SGCZ: variants seen among roughly 807,000 people sequenced by gnomAD.
The protein encoded by SGCZ is sarcoglycan zeta, also known as zeta-sarcoglycan.
Under a neutral mutation model 41.3 loss-of-function variants are expected in SGCZ, and 40 were observed. That is an observed-to-expected ratio of 0.97 (90% CI 0.75 to 1.26). The LOEUF (loss-of-function observed/expected upper bound fraction) is 1.26. Ranked by LOEUF, SGCZ falls within the 50% of genes most tolerant of loss-of-function variation. The pLI is 0.00. For synonymous variants in SGCZ, 206 were observed against 137.5 expected, an observed-to-expected ratio of 1.50 and a Z score of -3.49; for missense variants, 552 against 369.8, an observed-to-expected ratio of 1.49 and a Z score of -4.04.
At chr8:14,639,888 A>G (rs1806966312) in intron 1 of SGCZ, among the ~76,000 whole-genome samples, 2 of 151,578 alleles carry the variant, frequency 1.3e-5, no homozygotes, top group Admixed American at 6.6e-5. Context: ...ATATCTCCCT[A>G]CCTCCTGCAA....
At chr8:14,794,116 A>G (rs757992655) in intron 1 of SGCZ, among the ~76,000 whole-genome samples, 1 of 152,174 alleles carries the variant, frequency 6.6e-6, no homozygotes, top group East Asian at 1.9e-4. Flanking sequence ...TCAAAAATCA[A>G]TATATTCAAC....
chr8:14,467,307 T>C (rs1019666695), intron 2 of SGCZ, among the ~76,000 whole-genome samples: 1 of 151,994 alleles, frequency 6.6e-6, no homozygotes, highest in Non-Finnish European at 1.5e-5. Flanking sequence ...TTTAATTCCG[T>C]GAAAGTCACT....
At chr8:14,584,670 A>T (rs1425329220) in intron 1 of SGCZ, among the ~76,000 whole-genome samples, 1 of 152,074 alleles carries the variant, frequency 6.6e-6, no homozygotes, top group Non-Finnish European at 1.5e-5. Context: ...CGCTAAATTT[A>T]ATTTTTTTAT....
In SGCZ at chr8:14,554,868, T is replaced by C. The variant is rs1422706137; in HGVS notation, c.98A>G (p.Asn33Ser). The C allele has an allele frequency of 3.1e-6, 5 of 1,613,142 alleles. No individual in the cohort carries two copies. Among genetic ancestry groups the C allele is most frequent in the East Asian group, 2.2e-5 (1 of 44,826 alleles). Residue 33 changes from asparagine to serine, a missense_variant, in exon 2 of 8, where the codon AAT becomes AGT. Physicochemically the swap from Asn to Ser is conservative, Grantham distance 46 (BLOSUM62 1). Transcript: ENST00000382080. ...AATTCCCACTGGGTAAAGTTGTGCATTCTCAGTCCTTGGCAGGTTATTCTG... is the reference window on the plus strand; with the variant it reads ...AATTCCCACTGGGTAAAGTTGTGCACTCTCAGTCCTTGGCAGGTTATTCTG... Reference protein sequence around the residue: ...TQQNNLPRTENAQLYPVGIYG... With the variant: ...TQQNNLPRTESAQLYPVGIYG...
At chr8:14,863,130 A>G (rs527834867) in intron 1 of SGCZ, among the ~76,000 whole-genome samples, 1 of 152,248 alleles carries the variant, frequency 6.6e-6, no homozygotes, top group African/African-American at 2.4e-5. Context: ...TAGGTCACAC[A>G]GCCAGGAATG....
chr8:14,712,495 T>C (rs2117628441), intron 1 of SGCZ, among the ~76,000 whole-genome samples: 1 of 152,236 alleles, frequency 6.6e-6, no homozygotes, highest in South Asian at 2.1e-4. Flanking sequence ...AGTAGGGCAG[T>C]TATGTAGTGA....
intron 1 of SGCZ, among the ~76,000 whole-genome samples, chr8:15,038,516 A>C (rs1803949513): frequency 1.3e-5 from 2 of 151,764 alleles, no homozygotes; most frequent in African/African-American, 4.8e-5. Context: ...GAAAAAAAAA[A>C]CAAGGGAAAA....
intron 1 of SGCZ, among the ~76,000 whole-genome samples, chr8:15,213,022 T>A (rs940598150): frequency 6.6e-6 from 1 of 151,946 alleles, no homozygotes; most frequent in Non-Finnish European, 1.5e-5. Context: ...GTGATAAAAT[T>A]AACAATTTAA....
At chr8:14,713,166 G>A (rs1297758771) in intron 1 of SGCZ, among the ~76,000 whole-genome samples, 4 of 152,140 alleles carry the variant, frequency 2.6e-5, no homozygotes, top group Non-Finnish European at 5.9e-5. Flanking sequence ...AGGTTTAATT[G>A]CAAAAGTTGT....
chr8:14,256,885 G>T (rs1563216744), intron 3 of SGCZ, among the ~76,000 whole-genome samples: 2 of 152,058 alleles, frequency 1.3e-5, no homozygotes, highest in African/African-American at 2.4e-5. Context: ...TTGTTTAAAT[G>T]ATATATTCCT....
At chr8:14,771,365 G>C (rs1376057692) in intron 1 of SGCZ, among the ~76,000 whole-genome samples, 1 of 152,100 alleles carries the variant, frequency 6.6e-6, no homozygotes, top group African/African-American at 2.4e-5. Flanking sequence ...TGAAAATTAA[G>C]CTTGGCACAT....
At chr8:15,100,969 A>G (rs1283201101) in intron 1 of SGCZ, among the ~76,000 whole-genome samples, 2 of 151,684 alleles carry the variant, frequency 1.3e-5, no homozygotes, top group African/African-American at 4.9e-5. Context: ...GAGTGAGACC[A>G]TGTCTCAAAA....
intron 1 of SGCZ, among the ~76,000 whole-genome samples, chr8:14,749,464 T>C (rs1185324319): frequency 6.6e-6 from 1 of 152,192 alleles, no homozygotes; most frequent in South Asian, 2.1e-4. Flanking sequence ...AACTACATCA[T>C]GTAATATAAT....
At chr8:15,119,978 T>C (rs572505811) in intron 1 of SGCZ, among the ~76,000 whole-genome samples, 1 of 146,180 alleles carries the variant, frequency 6.8e-6, no homozygotes, top group African/African-American at 2.5e-5. Context: ...CTCGGTTTTT[T>C]GGTGTTGCTT....
At chr8:14,540,164 C>G (rs1803416090) in intron 2 of SGCZ, among the ~76,000 whole-genome samples, 1 of 146,346 alleles carries the variant, frequency 6.8e-6, no homozygotes, top group Non-Finnish European at 1.5e-5. Context: ...GCTTTTCGTT[C>G]AAAGATTGGT....
In SGCZ at chr8:14,573,457, G is replaced by A. The variant is rs527291579; in HGVS notation, c.40-18531C>T. Among the ~76,000 whole-genome samples, 388 of 151,924 alleles carry A rather than the reference G, an allele frequency of 2.6e-3. 1 individual carries two copies. Among genetic ancestry groups the A allele is most frequent in the African/African-American group, 8.2e-3 (338 of 41,464 alleles). On this transcript the variant is annotated intron_variant, in intron 1 of 7. Transcript: ENST00000382080. ...CCCGCCTCGGCCTCCCAAAGTGCTG[G>A]GATTACAGGCATGAGCCACTGCGCC...
At chr8:15,176,011 T>C (rs1799990548) in intron 1 of SGCZ, among the ~76,000 whole-genome samples, 1 of 152,200 alleles carries the variant, frequency 6.6e-6, no homozygotes, top group African/African-American at 2.4e-5. Flanking sequence ...ACTTACTGTA[T>C]TATACTACTT....
At chr8:15,030,580 T>G (rs1380041409) in intron 1 of SGCZ, among the ~76,000 whole-genome samples, 1 of 152,146 alleles carries the variant, frequency 6.6e-6, no homozygotes, top group Non-Finnish European at 1.5e-5. Flanking sequence ...ATGTTCTATG[T>G]GATCTGACTT....
intron 1 of SGCZ, among the ~76,000 whole-genome samples, chr8:15,082,725 T>C (rs1434473650): frequency 1.3e-5 from 2 of 152,132 alleles, no homozygotes; most frequent in Non-Finnish European, 2.9e-5. Context: ...TACTTTGAGG[T>C]TGTTTTCCTT....
Sources: gnomAD v4.1 joint callset for allele counts (sites outside exome capture counted in the v4.1 genomes callset) on GRCh38, gnomAD v4.1.1 for gene constraint, MANE v1.5 for transcripts, NCBI Gene and HGNC (gene_info 2026-07-23, HGNC 2026-07-21) for gene names.